Variants in LINGO2 observed in about 807,000 individuals in gnomAD.
LINGO2 encodes leucine-rich repeat and immunoglobulin-like domain-containing nogo receptor-interacting protein 2.
In LINGO2, 14 loss-of-function variants were observed where a neutral mutation model predicts 30.6. The ratio of observed to expected loss-of-function variants is 0.46; its 90% CI spans 0.30 to 0.72. LINGO2 has a LOEUF of 0.72. Among genes scored for constraint, LINGO2 ranks in the 30% least tolerant of loss-of-function variants. LINGO2 has a pLI of 0.07. For missense variants in LINGO2, 729 were observed against 751.7 expected (o/e 0.97, Z 0.35); for synonymous variants, 317 against 288.5 (o/e 1.10, Z -1.00).
chr9:28,583,554 G>C (rs1471719372), intron 1 of LINGO2, among the ~76,000 whole-genome samples: 1 of 151,826 alleles, frequency 6.6e-6, no homozygotes, highest in Non-Finnish European at 1.5e-5. Context: ...AGAAATAATA[G>C]CAATTTTTTC....
At chr9:28,326,172 A>C (rs2026373) in intron 3 of LINGO2, among the ~76,000 whole-genome samples, 116,151 of 151,986 alleles carry the variant, frequency 0.76, 46,206 homozygotes, top group Non-Finnish European at 0.89. Context: ...ATATGTGACT[A>C]ATTTTTGTAT....
intron 4 of LINGO2, among the ~76,000 whole-genome samples, chr9:28,017,428 T>A (rs1310846442): frequency 1.3e-5 from 2 of 152,160 alleles, no homozygotes; most frequent in African/African-American, 4.8e-5. Flanking sequence ...ATGACCGTAT[T>A]CCTAGAAAAT....
the LINGO2 span, among the ~76,000 whole-genome samples, chr9:29,035,861 G>C: frequency 1.3e-5 from 2 of 151,862 alleles, no homozygotes; most frequent in Non-Finnish European, 2.9e-5. Flanking sequence ...CACAGAGACA[G>C]GTAAATTGTC....
the LINGO2 span, among the ~76,000 whole-genome samples, chr9:29,032,985 A>G: frequency 6.6e-6 from 1 of 152,160 alleles, no homozygotes; most frequent in South Asian, 2.1e-4. Context: ...GAATTTGATT[A>G]CAATTATGCC....
the LINGO2 span, among the ~76,000 whole-genome samples, chr9:28,698,443 A>G: frequency 2.0e-5 from 3 of 152,032 alleles, no homozygotes; most frequent in Non-Finnish European, 4.4e-5. Context: ...TCATTCAGTA[A>G]TATCTCCAAA....
At chr9:29,161,681 GC>G in the LINGO2 span, among the ~76,000 whole-genome samples, 1 of 152,064 alleles carries the variant, frequency 6.6e-6, no homozygotes, top group Admixed American at 6.6e-5. Flanking sequence ...TGCCTATACT[GC>G]TGATCTAGGA....
intron 4 of LINGO2, among the ~76,000 whole-genome samples, chr9:28,079,181 G>GTT (rs1391528917): frequency 1.5e-5 from 2 of 135,156 alleles, no homozygotes; most frequent in African/African-American, 7.8e-5. Flanking sequence ...AATCCCAACT[G>GTT]CCTAAAAAGA....
At chr9:29,205,290 C>T in the LINGO2 span, among the ~76,000 whole-genome samples, 4 of 152,244 alleles carry the variant, frequency 2.6e-5, no homozygotes, top group African/African-American at 7.2e-5. Context: ...CCACCCACCA[C>T]GGCCTCCCAA....
intron 4 of LINGO2, among the ~76,000 whole-genome samples, chr9:28,053,040 T>A (rs755229862): frequency 6.6e-6 from 1 of 152,118 alleles, no homozygotes; most frequent in Non-Finnish European, 1.5e-5. Context: ...TCATCAAGTT[T>A]ATAATCCAGA....
At chr9:28,374,741 A>G (rs1320446301) in intron 2 of LINGO2, among the ~76,000 whole-genome samples, 1 of 152,188 alleles carries the variant, frequency 6.6e-6, no homozygotes, top group African/African-American at 2.4e-5. Context: ...TCAATATTCT[A>G]TAATAACCAT....
At chr9:28,145,754 A>G (rs1827795547) in intron 4 of LINGO2, among the ~76,000 whole-genome samples, 2 of 151,984 alleles carry the variant, frequency 1.3e-5, no homozygotes, top group South Asian at 4.2e-4. Context: ...CATTCTTTAC[A>G]CAGTTTTTAT....
At chr9:29,134,431 A>G in the LINGO2 span, among the ~76,000 whole-genome samples, 1 of 152,034 alleles carries the variant, frequency 6.6e-6, no homozygotes, top group East Asian at 1.9e-4. Flanking sequence ...CATTTTTTTC[A>G]CAACTTTGAA....
At chr9:29,052,397 C>A in the LINGO2 span, among the ~76,000 whole-genome samples, 1 of 151,994 alleles carries the variant, frequency 6.6e-6, no homozygotes, top group Non-Finnish European at 1.5e-5. Context: ...TAATAAAGGC[C>A]TTTTACATGT....
chr9:28,808,683 A>G, the LINGO2 span, among the ~76,000 whole-genome samples: 1 of 152,252 alleles, frequency 6.6e-6, no homozygotes, highest in Non-Finnish European at 1.5e-5. Context: ...CCAAAAATGC[A>G]TTCCATCTTT....
At chr9:27,980,008 T>C (rs989757067) in intron 5 of LINGO2, among the ~76,000 whole-genome samples, 5 of 151,882 alleles carry the variant, frequency 3.3e-5, no homozygotes, top group Non-Finnish European at 5.9e-5. Context: ...CCATCCTGTA[T>C]TGACATGTGA....
the LINGO2 span, among the ~76,000 whole-genome samples, chr9:29,118,469 C>T: frequency 6.6e-6 from 1 of 152,276 alleles, no homozygotes; most frequent in South Asian, 2.1e-4. Context: ...ATCGCCCCCA[C>T]ACAACCAACG....
At chr9:28,240,308 C>T (rs1053757476) in intron 4 of LINGO2, among the ~76,000 whole-genome samples, 1 of 151,836 alleles carries the variant, frequency 6.6e-6, no homozygotes, top group Admixed American at 6.6e-5. Flanking sequence ...CACAAAAGAC[C>T]CAGAATAGCC....
chr9:28,057,650 A>ATATATACACATATAT (rs1825000991), intron 4 of LINGO2, among the ~76,000 whole-genome samples: 16 of 97,078 alleles, frequency 1.6e-4, no homozygotes, highest in South Asian at 3.4e-4. Context: ...AACCTGTTCA[A>ATATATACACATATAT]GTAAATACGA....
At chr9:28,594,126 G>C (rs1256843543) in intron 1 of LINGO2, among the ~76,000 whole-genome samples, 1 of 151,778 alleles carries the variant, frequency 6.6e-6, no homozygotes, top group African/African-American at 2.4e-5. Flanking sequence ...GGCGTTCGTG[G>C]GTGTTATAAA....
Sources: allele counts gnomAD v4.1 joint callset (sites outside exome capture counted in the v4.1 genomes callset), GRCh38; gene constraint gnomAD v4.1.1; transcripts MANE v1.5; gene names NCBI Gene and HGNC (gene_info 2026-07-23, HGNC 2026-07-21).